Variants in KCNH8 observed in about 807,000 individuals in gnomAD.
The protein encoded by KCNH8 is potassium voltage-gated channel subfamily H member 8.
Under a neutral mutation model 103.6 loss-of-function variants are expected in KCNH8, and 70 were observed. The ratio of observed to expected loss-of-function variants is 0.68; its 90% CI spans 0.56 to 0.82. The LOEUF (loss-of-function observed/expected upper bound fraction) is 0.82. KCNH8 is among the 40% of genes least tolerant of loss of function. KCNH8 has a pLI of 0.00. For missense variants in KCNH8, 1,217 were observed against 1,329.9 expected, an observed-to-expected ratio of 0.92 and a Z score of 1.32; for synonymous variants, 498 against 489.4, an observed-to-expected ratio of 1.02 and a Z score of -0.23.
chr3:19,517,868 G>A (rs1220458191), intron 14 of KCNH8, 130 bp from the exon 15 acceptor site: 3 of 692,482 alleles, frequency 4.3e-6, no homozygotes, highest in Non-Finnish European at 7.5e-6. Context: ...CTAAAAGACA[G>A]TACAGTGCAC....
At chr3:19,344,639 A>T (rs1402921510) in intron 4 of KCNH8, among the ~76,000 whole-genome samples, 20 of 152,204 alleles carry the variant, frequency 1.3e-4, no homozygotes, top group African/African-American at 4.8e-4. Flanking sequence ...ATAACATAGT[A>T]GAATGGCTAA....
chr3:19,285,264 C>T (rs902192100), intron 3 of KCNH8, among the ~76,000 whole-genome samples: 2 of 151,906 alleles, frequency 1.3e-5, no homozygotes, highest in African/African-American at 4.8e-5. Flanking sequence ...CACTCTGACC[C>T]CAGCATTGCA....
intron 1 of KCNH8, among the ~76,000 whole-genome samples, chr3:19,213,673 C>A (rs2063791395): frequency 6.6e-6 from 1 of 152,204 alleles, no homozygotes; most frequent in African/African-American, 2.4e-5. Context: ...CATCTCAGCT[C>A]AGAATGCAGT....
At chr3:19,473,666 G>A (rs2067909918) in intron 11 of KCNH8, among the ~76,000 whole-genome samples, 1 of 152,112 alleles carries the variant, frequency 6.6e-6, no homozygotes, top group Non-Finnish European at 1.5e-5. Flanking sequence ...AGAAGATGCA[G>A]GTCTTCTTAT....
At chr3:19,527,228 T>C (rs2069081001) in intron 15 of KCNH8, among the ~76,000 whole-genome samples, 1 of 152,088 alleles carries the variant, frequency 6.6e-6, no homozygotes, top group Admixed American at 6.6e-5. Context: ...CTTTTTCTTC[T>C]GATATTAGTT....
At chr3:19,268,034 C>A (rs544330180) in intron 2 of KCNH8, among the ~76,000 whole-genome samples, 1 of 152,218 alleles carries the variant, frequency 6.6e-6, no homozygotes, top group African/African-American at 2.4e-5. Context: ...ATTCATCTTA[C>A]AATAATTTAG....
At chr3:19,306,608 A>G (rs2065133666) in intron 3 of KCNH8, among the ~76,000 whole-genome samples, 1 of 152,090 alleles carries the variant, frequency 6.6e-6, no homozygotes, top group African/African-American at 2.4e-5. Context: ...CTCAAAAGAG[A>G]AAGGAAACAA....
At chr3:19,346,048 T>A (rs1002313607) in intron 4 of KCNH8, among the ~76,000 whole-genome samples, 2 of 152,050 alleles carry the variant, frequency 1.3e-5, no homozygotes, top group African/African-American at 4.8e-5. Context: ...AAATTTTAAT[T>A]TCTGTAATAC....
At chr3:19,170,878 A>G (rs985789095) in intron 1 of KCNH8, among the ~76,000 whole-genome samples, 3 of 146,900 alleles carry the variant, frequency 2.0e-5, no homozygotes, top group African/African-American at 7.6e-5. Flanking sequence ...GGCGCAAAAT[A>G]TCGGCTCACT....
chr3:19,190,349 A>C (rs1054197944), intron 1 of KCNH8, among the ~76,000 whole-genome samples: 2 of 152,130 alleles, frequency 1.3e-5, no homozygotes, highest in Middle Eastern at 3.4e-3. Context: ...GCCAAGAGCA[A>C]AAGTTGAACA....
intron 2 of KCNH8, among the ~76,000 whole-genome samples, chr3:19,258,889 C>G: frequency 8.3e-6 from 1 of 119,788 alleles, no homozygotes; most frequent in Non-Finnish European, 1.7e-5. Flanking sequence ...TAAATAACTT[C>G]ATTTTTATTT....
At chr3:19,477,570 A>T (rs375986872) in intron 11 of KCNH8, among the ~76,000 whole-genome samples, 16 of 152,206 alleles carry the variant, frequency 1.1e-4, no homozygotes, top group African/African-American at 3.8e-4. Flanking sequence ...GCATGACACT[A>T]TCACCTCTAG....
chr3:19,449,590 A>AG (rs1386600000), intron 8 of KCNH8, among the ~76,000 whole-genome samples: 7 of 151,826 alleles, frequency 4.6e-5, no homozygotes, highest in Admixed American at 4.6e-4. Context: ...TGGCTTTTTG[A>AG]GGGGGTGAGA....
intron 3 of KCNH8, among the ~76,000 whole-genome samples, chr3:19,292,622 A>G (rs933547512): frequency 6.6e-6 from 1 of 152,244 alleles, no homozygotes; most frequent in Non-Finnish European, 1.5e-5. Context: ...GGGACTGCGC[A>G]GCCCGTGGTT....
chr3:19,374,517 T>C (rs1180130468), intron 5 of KCNH8, among the ~76,000 whole-genome samples: 1 of 152,248 alleles, frequency 6.6e-6, no homozygotes, highest in Non-Finnish European at 1.5e-5. Flanking sequence ...TGAGATGGGT[T>C]TCCTGAATAC....
chr3:19,428,242 A>T (rs1400084852), intron 7 of KCNH8, among the ~76,000 whole-genome samples: 2 of 152,248 alleles, frequency 1.3e-5, no homozygotes, highest in African/African-American at 2.4e-5. Context: ...AAAAAAGATC[A>T]TTACAACATA....
chr3:19,241,354 A>G (rs1307623163), intron 1 of KCNH8, among the ~76,000 whole-genome samples: 5 of 152,208 alleles, frequency 3.3e-5, no homozygotes, highest in Admixed American at 6.5e-5. Flanking sequence ...CACATGAGAC[A>G]GGTAAGGTCC....
intron 15 of KCNH8, among the ~76,000 whole-genome samples, chr3:19,527,237 T>C (rs2069081201): frequency 6.6e-6 from 1 of 152,058 alleles, no homozygotes; most frequent in African/African-American, 2.4e-5. Context: ...CTGATATTAG[T>C]TAAGTAAAAT....
intron 1 of KCNH8, among the ~76,000 whole-genome samples, chr3:19,168,262 A>G (rs2063305475): frequency 6.6e-6 from 1 of 152,080 alleles, no homozygotes; most frequent in Non-Finnish European, 1.5e-5. Context: ...TCCTGGCCTC[A>G]GGTGATCTGC....
Sources: gnomAD v4.1 joint callset for allele counts (sites outside exome capture counted in the v4.1 genomes callset) on GRCh38, gnomAD v4.1.1 for gene constraint, MANE v1.5 for transcripts, NCBI Gene and HGNC (gene_info 2026-07-23, HGNC 2026-07-21) for gene names.